Variants in TUSC3 observed in about 807,000 individuals in gnomAD.
The protein encoded by TUSC3 is tumor suppressor candidate 3, also known as dolichyl-diphosphooligosaccharide--protein glycosyltransferase subunit TUSC3.
Under a neutral mutation model 44.8 loss-of-function variants are expected in TUSC3, and 45 were observed. The observed-to-expected ratio is 1.00, with a 90% CI of 0.79 to 1.29. The LOEUF (loss-of-function observed/expected upper bound fraction) is 1.29. Ranked by LOEUF, TUSC3 falls within the 50% of genes most tolerant of loss-of-function variation. The pLI is 0.00. For synonymous variants in TUSC3, 212 were observed against 152.9 expected (o/e 1.39, Z -2.85); for missense variants, 519 against 437.9 (o/e 1.19, Z -1.65).
chr8:15,613,478 A>G (rs531244792), intron 1 of TUSC3, among the ~76,000 whole-genome samples: 1 of 152,254 alleles, frequency 6.6e-6, no homozygotes, highest in African/African-American at 2.4e-5. Flanking sequence ...CAGTTTTACA[A>G]ACATCAAGTC....
At chr8:15,581,653 C>G (rs868527908) in intron 1 of TUSC3, among the ~76,000 whole-genome samples, 1 of 149,544 alleles carries the variant, frequency 6.7e-6, no homozygotes, top group Admixed American at 6.6e-5. Context: ...CAGGGACCCA[C>G]TTGAGGAGGC....
At chr8:15,509,592 AGT>A (rs996197094) in intron 2 of TUSC3, among the ~76,000 whole-genome samples, 4 of 152,150 alleles carry the variant, frequency 2.6e-5, no homozygotes, top group Non-Finnish European at 5.9e-5. Context: ...TGGGAGACAG[AGT>A]GAGACACCAT....
At chr8:15,814,461 T>G in the TUSC3 span, among the ~76,000 whole-genome samples, 1 of 152,204 alleles carries the variant, frequency 6.6e-6, no homozygotes, top group African/African-American at 2.4e-5. Flanking sequence ...GATTTTAAGC[T>G]ACTCCAACGC....
intron 1 of TUSC3, among the ~76,000 whole-genome samples, chr8:15,461,912 A>T (rs1239040775): frequency 2.6e-5 from 4 of 152,116 alleles, no homozygotes; most frequent in Non-Finnish European, 5.9e-5. Context: ...GTATGAAACT[A>T]TAGTATGGAT....
chr8:15,585,470 C>T (rs2129148440), intron 1 of TUSC3, among the ~76,000 whole-genome samples: 1 of 152,222 alleles, frequency 6.6e-6, no homozygotes, highest in South Asian at 2.1e-4. Flanking sequence ...AAGCTGTCTG[C>T]TGTGAAGAGG....
chr8:15,773,725 G>A, the TUSC3 span, among the ~76,000 whole-genome samples: 1 of 152,130 alleles, frequency 6.6e-6, no homozygotes, highest in Non-Finnish European at 1.5e-5. Context: ...CCAAACATAG[G>A]CACTAGTGTA....
chr8:15,783,292 T>G, the TUSC3 span, among the ~76,000 whole-genome samples: 1 of 152,186 alleles, frequency 6.6e-6, no homozygotes, highest in Non-Finnish European at 1.5e-5. Context: ...GTGACATTTT[T>G]TAATGTGCTA....
At position 15,587,146 on chromosome 8, in the gene TUSC3, C is replaced by T. The variant is rs183372982; in HGVS notation, c.139-35934C>T. On this transcript the variant is annotated intron_variant, in intron 1 of 10. Transcript: ENST00000503731. ...TAATAGTAATTTCATAATTAACTTG[C>T]TGTGCTATTGGATTATACTACTTAT... Among the ~76,000 whole-genome samples the T allele has an allele frequency of 3.9e-5, 6 of 152,226 alleles. No homozygotes were observed. In the East Asian group the frequency reaches 9.6e-4, roughly 24 times the overall value.
At chr8:15,585,928 A>G (rs969541045) in intron 1 of TUSC3, among the ~76,000 whole-genome samples, 1 of 152,200 alleles carries the variant, frequency 6.6e-6, no homozygotes, top group Non-Finnish European at 1.5e-5. Context: ...ATGAAAGTAG[A>G]TGGGATCACC....
At chr8:15,838,927 G>C in the TUSC3 span, among the ~76,000 whole-genome samples, 1 of 152,086 alleles carries the variant, frequency 6.6e-6, no homozygotes, top group Non-Finnish European at 1.5e-5. Context: ...GGATGGCATT[G>C]AATCTATAAA....
rs538606730 is a variant in TUSC3 at position 15,593,142 on chromosome 8, G to A, written c.139-29938G>A. 4.6e-5 allele frequency among the ~76,000 whole-genome samples: 7 copies of A among 152,240 alleles called. No individual in the cohort carries two copies. In the East Asian group the frequency reaches 9.7e-4, roughly 21 times the overall value. On this transcript the variant is annotated intron_variant, in intron 1 of 10. Transcript: ENST00000503731. Reference sequence around the variant, plus strand: ...ACTCTGTTGCCCAGGGTGGAGTGCAGTGGTGTGATCTTGGCTCACTGCAGC... The same window carrying A: ...ACTCTGTTGCCCAGGGTGGAGTGCAATGGTGTGATCTTGGCTCACTGCAGC...
intron 2 of TUSC3, among the ~76,000 whole-genome samples, chr8:15,509,135 A>G (rs186241573): frequency 3.3e-5 from 5 of 152,326 alleles, no homozygotes; most frequent in African/African-American, 1.2e-4. Flanking sequence ...GACCCAAGTA[A>G]GGATGCAGTC....
intron 1 of TUSC3, among the ~76,000 whole-genome samples, chr8:15,425,693 C>G (rs1799795255): frequency 6.6e-6 from 1 of 152,188 alleles, no homozygotes; most frequent in Admixed American, 6.5e-5. Flanking sequence ...TTATATTATT[C>G]TCTACGTTTT....
chr8:15,717,681 C>G (rs919743721), intron 6 of TUSC3, among the ~76,000 whole-genome samples: 1 of 152,082 alleles, frequency 6.6e-6, no homozygotes, highest in Non-Finnish European at 1.5e-5. Context: ...TTTTATTTCT[C>G]TAGCACTCAT....
intron 2 of TUSC3, among the ~76,000 whole-genome samples, chr8:15,527,805 C>T (rs1002326120): frequency 6.6e-6 from 1 of 152,186 alleles, no homozygotes; most frequent in Non-Finnish European, 1.5e-5. Context: ...ACAAAATAAG[C>T]TCTTCACTTA....
At chr8:15,515,007 G>A (rs1471803166) in intron 2 of TUSC3, among the ~76,000 whole-genome samples, 2 of 152,116 alleles carry the variant, frequency 1.3e-5, no homozygotes, top group Non-Finnish European at 2.9e-5. Flanking sequence ...AATTTTGGTT[G>A]GAGAATCTAT....
chr8:15,635,479 G>A (rs1806024789), intron 2 of TUSC3, among the ~76,000 whole-genome samples: 1 of 152,078 alleles, frequency 6.6e-6, no homozygotes, highest in Non-Finnish European at 1.5e-5. Context: ...GTGGCAAAAG[G>A]CACAGTATTA....
intron 2 of TUSC3, among the ~76,000 whole-genome samples, chr8:15,500,825 C>T (rs1371862867): frequency 1.3e-5 from 2 of 152,160 alleles, no homozygotes; most frequent in Non-Finnish European, 2.9e-5. Flanking sequence ...AAGCCTTCAG[C>T]ACCTGTCAAA....
At chr8:15,481,325 A>G (rs775597750) in intron 1 of TUSC3, among the ~76,000 whole-genome samples, 11 of 151,902 alleles carry the variant, frequency 7.2e-5, no homozygotes, top group Non-Finnish European at 2.9e-5. Flanking sequence ...CAATGGATTA[A>G]TGCCATTATT....
Sources: gnomAD v4.1 joint callset for allele counts (sites outside exome capture counted in the v4.1 genomes callset) on GRCh38, gnomAD v4.1.1 for gene constraint, MANE v1.5 for transcripts, NCBI Gene and HGNC (gene_info 2026-07-23, HGNC 2026-07-21) for gene names.